Variants in EYA1 observed in about 807,000 individuals in gnomAD.
EYA1 encodes the protein EYA transcriptional coactivator and phosphatase 1.
Under a neutral mutation model 82.0 loss-of-function variants are expected in EYA1, and 16 were observed. That is an observed-to-expected ratio of 0.20 (90% CI 0.13 to 0.30). The LOEUF is 0.30. EYA1 is among the 10% of genes least tolerant of loss of function. EYA1 has a pLI of 1.00. For synonymous variants in EYA1, 261 were observed against 264.4 expected, an observed-to-expected ratio of 0.99 and a Z score of 0.12; for missense variants, 633 against 730.7, an observed-to-expected ratio of 0.87 and a Z score of 1.54.
intron 17 of EYA1, among the ~76,000 whole-genome samples, chr8:71,200,884 G>GA (rs548362356): frequency 3.4e-4 from 51 of 151,386 alleles, no homozygotes; most frequent in African/African-American, 1.1e-3. Context: ...TTAACATTCA[G>GA]AAAAACACTC....
Position 71,478,459 on chromosome 8 carries a change from T to G in EYA1, c.33+57285A>C, listed in dbSNP as rs143870230. Among the ~76,000 whole-genome samples the G allele has an allele frequency of 7.2e-3, 1,091 of 152,302 alleles. 4 individuals carry two copies. Among genetic ancestry groups the G allele is most frequent in the Non-Finnish European group, 9.8e-3 (666 of 68,016 alleles). ...AGAAAGGGAGTAGTATGTTCATGCT[T>G]TCTTTAACAGTCACTTTAAGAAATG... On this transcript the variant is annotated intron_variant, in intron 2 of 18. Transcript: ENST00000643681.
intron 2 of EYA1, among the ~76,000 whole-genome samples, chr8:71,429,510 G>T (rs1176237026): frequency 2.6e-5 from 4 of 152,036 alleles, no homozygotes; most frequent in African/African-American, 9.7e-5. Context: ...AGTATCTTGT[G>T]GCTGAAAAAG....
chr8:71,272,466 C>T (rs934564089), intron 9 of EYA1, among the ~76,000 whole-genome samples: 2 of 152,142 alleles, frequency 1.3e-5, no homozygotes, highest in African/African-American at 4.8e-5. Context: ...GGACAATACC[C>T]GTACTCCACA....
At chr8:71,423,727 A>G (rs965248287) in intron 2 of EYA1, among the ~76,000 whole-genome samples, 4 of 152,204 alleles carry the variant, frequency 2.6e-5, no homozygotes, top group Non-Finnish European at 5.9e-5. Flanking sequence ...ATTTACTTTG[A>G]ACTTTTTCTC....
intron 2 of EYA1, among the ~76,000 whole-genome samples, chr8:71,389,076 G>A (rs529216677): frequency 8.8e-4 from 134 of 151,918 alleles, no homozygotes; most frequent in African/African-American, 3.1e-3. Context: ...AACAGAAAGA[G>A]AGAGACAGAC....
intron 2 of EYA1, among the ~76,000 whole-genome samples, chr8:71,518,147 T>C (rs946460803): frequency 1.3e-5 from 2 of 152,130 alleles, no homozygotes; most frequent in African/African-American, 4.8e-5. Context: ...GATATTCTAC[T>C]TTATAAAATT....
At chr8:71,375,028 T>C (rs1828292128) in intron 2 of EYA1, among the ~76,000 whole-genome samples, 1 of 152,038 alleles carries the variant, frequency 6.6e-6, no homozygotes, top group African/African-American at 2.4e-5. Flanking sequence ...AAAGTGTAGG[T>C]GAAAGCTTGT....
intron 2 of EYA1, among the ~76,000 whole-genome samples, chr8:71,425,027 G>T (rs1426358844): frequency 6.8e-6 from 1 of 147,376 alleles, no homozygotes; most frequent in Non-Finnish European, 1.5e-5. Flanking sequence ...TTGGGAGGCC[G>T]AGACGGGCGG....
At chr8:71,488,089 T>C (rs1265190124) in intron 2 of EYA1, among the ~76,000 whole-genome samples, 1 of 152,074 alleles carries the variant, frequency 6.6e-6, no homozygotes, top group Non-Finnish European at 1.5e-5. Flanking sequence ...ATACATGATA[T>C]AAAGGATAAA....
intron 2 of EYA1, among the ~76,000 whole-genome samples, chr8:71,367,824 G>A (rs983938245): frequency 1.3e-5 from 2 of 152,152 alleles, no homozygotes; most frequent in African/African-American, 4.8e-5. Flanking sequence ...ACTATGGTGT[G>A]AGGGTTAAAA....
chr8:71,291,185 T>C (rs1272483858), intron 9 of EYA1, among the ~76,000 whole-genome samples: 1 of 152,210 alleles, frequency 6.6e-6, no homozygotes, highest in African/African-American at 2.4e-5. Flanking sequence ...TCAAATATCC[T>C]GCATGACAGG....
At chr8:71,314,695 A>G (rs1821716845) in intron 7 of EYA1, among the ~76,000 whole-genome samples, 1 of 151,974 alleles carries the variant, frequency 6.6e-6, no homozygotes, top group Admixed American at 6.6e-5. Flanking sequence ...GGAATACTCA[A>G]CCTGTATATC....
intron 2 of EYA1, among the ~76,000 whole-genome samples, chr8:71,480,648 C>T (rs1810067992): frequency 6.6e-6 from 1 of 151,836 alleles, no homozygotes; most frequent in African/African-American, 2.4e-5. Flanking sequence ...AGCCTAATTT[C>T]TCAGCACTAT....
At chr8:71,410,588 GACAA>G (rs1830534785) in intron 2 of EYA1, among the ~76,000 whole-genome samples, 1 of 113,158 alleles carries the variant, frequency 8.8e-6, no homozygotes, top group East Asian at 2.6e-4. Flanking sequence ...ACCAACAACA[GACAA>G]ACAGAGAGCC....
intron 2 of EYA1, among the ~76,000 whole-genome samples, chr8:71,452,311 C>A (rs1200749620): frequency 6.6e-6 from 1 of 152,214 alleles, no homozygotes; most frequent in African/African-American, 2.4e-5. Flanking sequence ...CTCAAGGAGG[C>A]CTGCCTGCCT....
chr8:71,258,254 T>C (rs1472259006), intron 11 of EYA1, among the ~76,000 whole-genome samples: 1 of 152,196 alleles, frequency 6.6e-6, no homozygotes, highest in Non-Finnish European at 1.5e-5. Flanking sequence ...AGAATGACTT[T>C]CTGAATGACT....
chr8:71,218,018 A>G (rs1237517453), intron 12 of EYA1, among the ~76,000 whole-genome samples: 1 of 152,204 alleles, frequency 6.6e-6, no homozygotes, highest in Non-Finnish European at 1.5e-5. Context: ...ACTCTAGTCC[A>G]GAAACTTAAC....
intron 2 of EYA1, among the ~76,000 whole-genome samples, chr8:71,399,158 G>T (rs1197352991): frequency 6.6e-6 from 1 of 152,184 alleles, no homozygotes; most frequent in Non-Finnish European, 1.5e-5. Flanking sequence ...GCAGTATTAG[G>T]GTGGGAGTGT....
At chr8:71,515,151 T>G (rs1461115627) in intron 2 of EYA1, among the ~76,000 whole-genome samples, 1 of 152,104 alleles carries the variant, frequency 6.6e-6, no homozygotes, top group Non-Finnish European at 1.5e-5. Context: ...CAGTGTTAGT[T>G]GAGTAGCTAC....
Sources: allele counts gnomAD v4.1 joint callset (sites outside exome capture counted in the v4.1 genomes callset), GRCh38; gene constraint gnomAD v4.1.1; transcripts MANE v1.5; gene names NCBI Gene and HGNC (gene_info 2026-07-23, HGNC 2026-07-21).